The following TMTC3 variants were observed in gnomAD, a reference collection of about 807,000 sequenced individuals.
TMTC3 encodes protein O-mannosyl-transferase TMTC3.
TMTC3 carries 52 observed loss-of-function variants against 92.2 expected under a neutral mutation model. The ratio of observed to expected loss-of-function variants is 0.56; its 90% CI spans 0.45 to 0.71. The LOEUF is 0.71. Ranked by LOEUF, TMTC3 falls within the 30% of genes least tolerant of loss-of-function variation. The pLI is 0.00. For synonymous variants in TMTC3, 339 were observed against 363.3 expected, an observed-to-expected ratio of 0.93 and a Z score of 0.76; for missense variants, 896 against 1,057.1, an observed-to-expected ratio of 0.85 and a Z score of 2.11.
At chr12:88,183,586 G>A (rs1156589742) in intron 10 of TMTC3, among the ~76,000 whole-genome samples, 3 of 152,054 alleles carry the variant, frequency 2.0e-5, no homozygotes, top group African/African-American at 4.8e-5. Context: ...GGTAGGTGAC[G>A]GTTTCTCCTC....
At chr12:88,190,651 T>A in intron 12 of TMTC3, 29 bp downstream of exon 12, 1 of 1,604,452 alleles carries the variant, frequency 6.2e-7, no homozygotes, top group Non-Finnish European at 8.5e-7. Context: ...AAGCTATCAT[T>A]ATGGAATATT....
At chr12:88,161,891 A>G (rs2471540) in intron 6 of TMTC3, among the ~76,000 whole-genome samples, 133,491 of 151,552 alleles carry the variant, frequency 0.88, 59,696 homozygotes, top group East Asian at 0.99. Flanking sequence ...TGCAGTTTGC[A>G]TATGTTTTCC....
intron 4 of TMTC3, among the ~76,000 whole-genome samples, chr12:88,157,148 A>G (rs1012760005): frequency 1.3e-5 from 2 of 152,026 alleles, no homozygotes; most frequent in African/African-American, 4.8e-5. Flanking sequence ...TAGTATGAGT[A>G]TATTGAAGAA....
rs2040968238 is a variant in TMTC3 at position 88,153,457 on chromosome 12, G to T, written c.356G>T (p.Ser119Ile). 1 of 1,613,372 alleles carries T rather than the reference G, an allele frequency of 6.2e-7. No homozygotes were observed. The highest frequency in any genetic ancestry group is 8.5e-7 in the Non-Finnish European group (1 of 1,179,722). ...KVCKLFLDNKSSVIASLLFAV... is the reference protein window; with the variant it reads ...KVCKLFLDNKISVIASLLFAV... ...TGCAAACTTTTTCTGGACAACAAGA[G>T]TAGTGTGATTGCTTCTTTACTTTTT... The change falls in exon 3 of 14, where the codon AGT becomes ATT. Residue 119 changes from serine (S) to isoleucine (I), a missense_variant. Ser to Ile is a moderately radical substitution (Grantham distance 142). Transcript: ENST00000266712.
chr12:88,158,519 A>G (rs1022775882), intron 4 of TMTC3, among the ~76,000 whole-genome samples: 4 of 151,846 alleles, frequency 2.6e-5, no homozygotes, highest in African/African-American at 9.7e-5. Flanking sequence ...GAGTATTATT[A>G]TACTTAGTAT....
chr12:88,146,259 A>C (rs1273992230), intron 1 of TMTC3, among the ~76,000 whole-genome samples: 1 of 152,124 alleles, frequency 6.6e-6, no homozygotes, highest in Non-Finnish European at 1.5e-5. Context: ...GGGAATCTTA[A>C]AAATTCTGTT....
At position 88,181,221 on chromosome 12, in the gene TMTC3, G is replaced by A. The variant is rs545176554; in HGVS notation, c.1432+4902G>A. On this transcript the variant is annotated intron_variant, in intron 10 of 13. Transcript: ENST00000266712. The stretch of plus-strand genomic sequence containing the variant: ...ATAACATATTGGGAGGACTCTTCAG[G>A]AAGAGCATGTGTGCTAATTAGGTGA... Among the ~76,000 whole-genome samples the A allele has an allele frequency of 2.0e-5, 3 of 152,284 alleles. No individual in the cohort carries two copies. In the South Asian group the frequency reaches 6.2e-4, roughly 32 times the overall value.
chr12:88,152,556 CTG>C (rs1007250988), intron 2 of TMTC3, among the ~76,000 whole-genome samples: 3 of 152,008 alleles, frequency 2.0e-5, no homozygotes, highest in Non-Finnish European at 2.9e-5. Context: ...TATATTCGAA[CTG>C]TGTGTTTTAT....
intron 10 of TMTC3, among the ~76,000 whole-genome samples, chr12:88,183,342 A>G (rs1204021796): frequency 6.6e-6 from 1 of 152,112 alleles, no homozygotes; most frequent in African/African-American, 2.4e-5. Context: ...ATCTCTTTAT[A>G]AGTGCCGAAA....
chr12:88,172,665 T>G lies in TMTC3; in HGVS notation c.1119T>G (p.Val373=), dbSNP rs1161762501. The G allele has an allele frequency of 6.3e-7, 1 of 1,590,844 alleles. No homozygotes were observed. Among genetic ancestry groups the G allele is most frequent in the East Asian group, 2.3e-5 (1 of 43,720 alleles). The part of the protein sequence containing the change: ...SNLFFPVGFV[V]AERVLYVPSM... ...TTTTTTTTCCAGTTGGATTTGTTGTTGCCGAGCGAGTATTATATGTTCCCA... is the reference window on the plus strand; with the variant it reads ...TTTTTTTTCCAGTTGGATTTGTTGTGGCCGAGCGAGTATTATATGTTCCCA... The change falls in exon 8 of 14, where the codon GTT becomes GTG. Residue 373 remains valine, a synonymous_variant. Coordinates refer to ENST00000266712, the MANE Select transcript of TMTC3 (RefSeq NM_181783.4).
chr12:88,190,437 C>G lies in TMTC3; in HGVS notation c.1537-16C>G. The G allele has an allele frequency of 6.2e-7, 1 of 1,604,584 alleles. No homozygotes were observed. Among genetic ancestry groups the G allele is most frequent in the Non-Finnish European group, 8.5e-7 (1 of 1,174,436 alleles). On this transcript the variant is annotated splice_polypyrimidine_tract_variant and intron_variant, in intron 11 of 13. Coordinates refer to ENST00000266712, the MANE Select transcript of TMTC3 (RefSeq NM_181783.4). ...CTGAAATATCAAATCATGAAAATGC[C>G]TTTTCTTCTAAACAGATTATTCCTG... is the stretch of plus-strand genomic sequence containing the variant.
chr12:88,190,691 G>A (rs1170691088), intron 12 of TMTC3, 69 bp downstream of exon 12: 2 of 1,473,376 alleles, frequency 1.4e-6, no homozygotes, highest in African/African-American at 2.8e-5. Context: ...CATTTTGAAT[G>A]AATTGGTTTT....
intron 7 of TMTC3, 59 bp from the exon 8 acceptor site, chr12:88,172,538 T>G (rs1271505048): frequency 9.8e-7 from 1 of 1,016,358 alleles, no homozygotes; most frequent in Non-Finnish European, 1.3e-6. Context: ...ATTTCTTAAT[T>G]TATTATAAAT....
chr12:88,193,418 GATAGTGT>G (rs2041465852), intron 13 of TMTC3, among the ~76,000 whole-genome samples: 1 of 151,940 alleles, frequency 6.6e-6, no homozygotes, highest in Non-Finnish European at 1.5e-5. Context: ...TGCCTCATAA[GATAGTGT>G]ATATGATTTA....
Position 88,197,409 on chromosome 12 carries a change from A to T in TMTC3, c.*1760A>T, listed in dbSNP as rs1332797304. On this transcript the variant is annotated 3_prime_UTR_variant, in exon 14 of 14. Transcript: ENST00000266712. ...TATGGCTTGTGACTCCAGATAAAAG[A>T]TGGAGAATACCTCATGTACTGTGAC... The T allele has an allele frequency of 3.3e-5, 5 of 152,180 alleles. No homozygotes were observed. Among genetic ancestry groups the T allele is most frequent in the Non-Finnish European group, 7.4e-5 (5 of 67,794 alleles). 9.4% of individuals were successfully genotyped at this position (152,180 alleles called of 1,614,324 possible).
Position 88,142,328 on chromosome 12 carries a change from C to T in TMTC3, c.-188C>T, listed in dbSNP as rs914095507. ...GCGTAAGACTGCGACGGTACCGGGGCGGCGGGGAAGGACCGAGAGGCGGGA... is the reference window on the plus strand; with the variant it reads ...GCGTAAGACTGCGACGGTACCGGGGTGGCGGGGAAGGACCGAGAGGCGGGA... On this transcript the variant is annotated 5_prime_UTR_variant, in exon 1 of 14. Coordinates refer to ENST00000266712, the MANE Select transcript of TMTC3 (RefSeq NM_181783.4). 2 of 152,802 alleles carry T rather than the reference C, an allele frequency of 1.3e-5. No homozygotes were observed. Among genetic ancestry groups the T allele is most frequent in the Non-Finnish European group, 2.9e-5 (2 of 68,556 alleles). 9.5% of individuals were successfully genotyped at this position (152,802 alleles called of 1,614,324 possible).
At chr12:88,146,270 A>G (rs2040872547) in intron 1 of TMTC3, among the ~76,000 whole-genome samples, 2 of 152,098 alleles carry the variant, frequency 1.3e-5, no homozygotes, top group African/African-American at 4.8e-5. Context: ...AAATTCTGTT[A>G]TCTTGGCCCT....
At chr12:88,173,349 T>C (rs959967014) in intron 8 of TMTC3, among the ~76,000 whole-genome samples, 1 of 152,048 alleles carries the variant, frequency 6.6e-6, no homozygotes, top group Non-Finnish European at 1.5e-5. Flanking sequence ...TGTAATAATA[T>C]TGAGTTTGCA....
chr12:88,172,856 T>C, intron 8 of TMTC3, 111 bp downstream of exon 8: 2 of 1,481,688 alleles, frequency 1.3e-6, no homozygotes, highest in Non-Finnish European at 1.8e-6. Flanking sequence ...TATCTTTTGG[T>C]TTTTCATCTC....
Sources: gnomAD v4.1 joint callset for allele counts (sites outside exome capture counted in the v4.1 genomes callset) on GRCh38, gnomAD v4.1.1 for gene constraint, MANE v1.5 for transcripts, NCBI Gene and HGNC (gene_info 2026-07-23, HGNC 2026-07-21) for gene names.